LRIG1: variants seen among roughly 807,000 people sequenced by gnomAD.
LRIG1 encodes the protein leucine-rich repeats and immunoglobulin-like domains protein 1.
Under a neutral mutation model 99.2 loss-of-function variants are expected in LRIG1, and 48 were observed. The observed-to-expected ratio is 0.48, with a 90% confidence interval of 0.38 to 0.62. The LOEUF (loss-of-function observed/expected upper bound fraction) is 0.62, where lower values mean the gene tolerates loss of function less well. Ranked by LOEUF, LRIG1 falls within the 20% of genes least tolerant of loss-of-function variation. The pLI is 0.00. For missense variants in LRIG1, 1,646 were observed against 1,434.4 expected, an observed-to-expected ratio of 1.15 and a Z score of -2.38; for synonymous variants, 772 against 596.1, an observed-to-expected ratio of 1.29 and a Z score of -4.30.
In LRIG1 at chr3:66,414,874, A is replaced by G. The variant is rs773450589; in HGVS notation, c.647+46T>C. On this transcript the variant is annotated intron_variant, in intron 5 of 18. Transcript: ENST00000273261. ...AGGTCCTTGGGGAAATCTGGCCTCC[A>G]TAAAGTTTGGCTAGCCTTAATTAAA... 4.0e-6 allele frequency: 6 copies of G among 1,509,288 alleles called. No individual in the cohort carries two copies. In the African/African-American group the frequency reaches 5.6e-5, roughly 14 times the overall value. The allele number at this position is 1,509,288 out of a possible 1,614,324, so 93.5% of individuals were successfully genotyped here.
intron 3 of LRIG1, among the ~76,000 whole-genome samples, chr3:66,444,045 G>A (rs890513101): frequency 3.9e-5 from 6 of 152,194 alleles, no homozygotes; most frequent in Non-Finnish European, 8.8e-5. Flanking sequence ...TCTTAGCTGA[G>A]GATAAAGACT....
chr3:66,483,354 C>T (rs6782090), intron 1 of LRIG1, among the ~76,000 whole-genome samples: 8,886 of 152,240 alleles, frequency 0.058, 796 homozygotes, highest in African/African-American at 0.19. Flanking sequence ...ATCTGAAGTC[C>T]AAGCTAAAAA....
chr3:66,462,349 T>A, intron 2 of LRIG1, 89 bp downstream of exon 2: 11 of 898,702 alleles, frequency 1.2e-5, no homozygotes, highest in Non-Finnish European at 2.0e-5. Context: ...ACTGCGGATC[T>A]AGGGGAGTGA....
intron 3 of LRIG1, among the ~76,000 whole-genome samples, chr3:66,427,180 G>A (rs1703010407): frequency 6.6e-6 from 1 of 152,222 alleles, no homozygotes; most frequent in South Asian, 2.1e-4. Flanking sequence ...TCATGGTGCT[G>A]CACTGGAATT....
chr3:66,424,338 T>C (rs1436148954), intron 3 of LRIG1, among the ~76,000 whole-genome samples: 4 of 151,808 alleles, frequency 2.6e-5, no homozygotes, highest in African/African-American at 9.7e-5. Flanking sequence ...TGGTCTAAGA[T>C]ACCCTCTCTA....
chr3:66,431,694 CCTGAAAAAATGGAACCA>C (rs1703178201), intron 3 of LRIG1, among the ~76,000 whole-genome samples: 1 of 152,146 alleles, frequency 6.6e-6, no homozygotes, highest in Non-Finnish European at 1.5e-5. Context: ...CCAACTAGGA[CCTGAAAAAATGGAACCA>C]CTGTTGAGAA....
At chr3:66,405,821 G>T in intron 8 of LRIG1, 1 of 1,154,086 alleles carries the variant, frequency 8.7e-7, no homozygotes, top group Non-Finnish European at 1.1e-6. Context: ...TCTGAGCCAG[G>T]GAGGACATCT....
At chr3:66,408,577 G>T (rs1217005387) in intron 7 of LRIG1, among the ~76,000 whole-genome samples, 2 of 152,152 alleles carry the variant, frequency 1.3e-5, no homozygotes, top group Non-Finnish European at 2.9e-5. Flanking sequence ...TGCCATCCCT[G>T]GGGCCACGAT....
At chr3:66,489,527 G>GTA (rs1701053452) in intron 1 of LRIG1, among the ~76,000 whole-genome samples, 1 of 2,842 alleles carries the variant, frequency 3.5e-4, no homozygotes. Context: ...TTGTGTGTAT[G>GTA]TGTGTGTGTG....
intron 2 of LRIG1, among the ~76,000 whole-genome samples, chr3:66,454,158 G>A (rs142454512): frequency 1.3e-5 from 2 of 152,310 alleles, no homozygotes; most frequent in East Asian, 3.9e-4. Context: ...CCTGCACAGT[G>A]AGCTTACTTC....
intron 3 of LRIG1, among the ~76,000 whole-genome samples, chr3:66,449,284 C>T (rs1375724636): frequency 6.6e-6 from 1 of 152,198 alleles, no homozygotes; most frequent in Non-Finnish European, 1.5e-5. Context: ...GGAACACAGG[C>T]ACCTCAGAGA....
Position 66,410,105 on chromosome 3 carries a change from C to A in LRIG1, c.935+24G>T, listed in dbSNP as rs759349138. ...CAAGCAGTGTCTAAAAACACTGCCA[C>A]AGCCCAGAGCCGAGGACACTTACAA... is the stretch of plus-strand genomic sequence containing the variant. On this transcript the variant is annotated intron_variant, in intron 7 of 18. Coordinates refer to ENST00000273261, the MANE Select transcript of LRIG1 (RefSeq NM_015541.3). The A allele has an allele frequency of 1.9e-6, 3 of 1,591,716 alleles. No homozygotes were observed. The South Asian group carries it at 3.4e-5, about 18-fold the overall frequency.
chr3:66,459,021 A>AG (rs1314137002), intron 2 of LRIG1, among the ~76,000 whole-genome samples: 16 of 152,006 alleles, frequency 1.1e-4, no homozygotes, highest in African/African-American at 3.9e-4. Flanking sequence ...TCTCAAAAAA[A>AG]AAAAAAAAAG....
At chr3:66,417,411 T>C in intron 3 of LRIG1, 145 bp from the exon 4 acceptor site, 3 of 861,950 alleles carry the variant, frequency 3.5e-6, no homozygotes, top group Non-Finnish European at 3.6e-6. Flanking sequence ...TCTTTTCCCA[T>C]CAAGTTATTA....
Position 66,398,149 on chromosome 3 carries a change from A to G in LRIG1, c.1267T>C (p.Phe423Leu), listed in dbSNP as rs1217483122. 1 of 1,614,130 alleles carries G rather than the reference A, an allele frequency of 6.2e-7. No individual in the cohort carries two copies. The highest frequency in any genetic ancestry group is 8.5e-7 in the Non-Finnish European group (1 of 1,179,960). ...TTCTTCATCTTCACAAAGGCATCAA[A>G]CTGGACAGATCTGATCGCATTCCCT... is the stretch of plus-strand genomic sequence containing the variant. ...LGGNAIRSVQ[F>L]DAFVKMKNLK... The change falls in exon 11 of 19, where the codon TTT (phenylalanine) becomes CTT (leucine). Residue 423 changes from phenylalanine to leucine, a missense_variant. Phe to Leu is a conservative substitution (Grantham distance 22). Coordinates refer to ENST00000273261, the MANE Select transcript of LRIG1 (RefSeq NM_015541.3).
intron 12 of LRIG1, among the ~76,000 whole-genome samples, chr3:66,392,263 G>C (rs1249706215): frequency 1.3e-5 from 2 of 152,202 alleles, no homozygotes; most frequent in East Asian, 1.9e-4. Context: ...CATTCATGAA[G>C]AAGTTTCTGT....
At chr3:66,442,531 A>G (rs928666213) in intron 3 of LRIG1, among the ~76,000 whole-genome samples, 1 of 152,018 alleles carries the variant, frequency 6.6e-6, no homozygotes, top group African/African-American at 2.4e-5. Context: ...CCCCTTTCAC[A>G]CGGGAGATTG....
intron 2 of LRIG1, among the ~76,000 whole-genome samples, chr3:66,455,100 A>G (rs1254720370): frequency 6.6e-6 from 1 of 152,116 alleles, no homozygotes; most frequent in Non-Finnish European, 1.5e-5. Flanking sequence ...ACAGGCCACC[A>G]CACTCAGCTA....
intron 1 of LRIG1, among the ~76,000 whole-genome samples, chr3:66,486,086 A>G (rs1167745530): frequency 1.3e-5 from 2 of 152,196 alleles, no homozygotes; most frequent in East Asian, 1.9e-4. Flanking sequence ...AACAGAGACA[A>G]TATTTTTCAT....
Sources: allele counts gnomAD v4.1 joint callset (sites outside exome capture counted in the v4.1 genomes callset), GRCh38; gene constraint gnomAD v4.1.1; transcripts MANE v1.5; gene names NCBI Gene and HGNC (gene_info 2026-07-23, HGNC 2026-07-21).